KHDC1: variants seen among roughly 807,000 people sequenced by gnomAD.
KHDC1 encodes the protein KH homology domain-containing protein 1.
A neutral mutation model predicts 24.7 loss-of-function variants in KHDC1; 21 were observed. That is an observed-to-expected ratio of 0.85 (90% CI 0.60 to 1.23). The LOEUF is 1.23. Among genes scored for constraint, KHDC1 ranks in the 50% most tolerant of loss-of-function variants. The pLI is 0.00. For missense variants in KHDC1, 274 were observed against 298.5 expected (o/e 0.92, Z 0.61); for synonymous variants, 98 against 111.7 (o/e 0.88, Z 0.77).
chr6:73,255,629 T>C (rs1308519249), intron 2 of KHDC1, among the ~76,000 whole-genome samples: 2 of 146,606 alleles, frequency 1.4e-5, no homozygotes, highest in African/African-American at 5.0e-5. Context: ...AGACCAGACA[T>C]GGTGGCTCAT....
exon 1 of KHDC1, chr6:73,309,925 G>A: frequency 1.9e-6 from 1 of 534,076 alleles, no homozygotes; most frequent in Non-Finnish European, 3.2e-6. Flanking sequence ...CGCGAGAAGT[G>A]GGCACGGGAC....
rs1225327831 is a variant in KHDC1 at position 73,262,988 on chromosome 6, A to C, written c.207-20458T>G. 9.9e-7 allele frequency: 1 copy of C among 1,008,808 alleles called. No individual in the cohort carries two copies. The highest frequency in any genetic ancestry group is 1.2e-6 in the Non-Finnish European group (1 of 846,506). 62.5% of individuals were successfully genotyped at this position (1,008,808 alleles called of 1,614,324 possible). A position where few individuals can be genotyped will look rare whatever the true frequency, so the allele number is the denominator to read the frequency against. On this transcript the variant is annotated intron_variant, in intron 2 of 4. The change creates a new upstream start codon in the 5' untranslated region. Transcript: ENST00000370384. ...GCCAAGGCTGGGCTTTGACGGTAGG[A>C]ATGAAGGAGGTGAGGGTGGCGCGCC...
At chr6:73,310,190 A>G in exon 1 of KHDC1, 1 of 159,140 alleles carries the variant, frequency 6.3e-6, no homozygotes, top group Non-Finnish European at 1.4e-5. Context: ...CCTTAATTAC[A>G]CCGCCCTGGA....
chr6:73,268,844 G>GCC (rs1767125550), intron 2 of KHDC1: 4 of 153,284 alleles, frequency 2.6e-5, no homozygotes, highest in African/African-American at 9.6e-5. Flanking sequence ...GCAGGTGGAG[G>GCC]TGCCTGCCAG....
exon 1 of KHDC1, chr6:73,310,041 GT>G: frequency 3.5e-6 from 1 of 282,934 alleles, no homozygotes; most frequent in Non-Finnish European, 6.7e-6. Flanking sequence ...GGCCTTGATC[GT>G]TTTCCAATAA....
chr6:73,305,612 T>C (rs573187205), intron 1 of KHDC1, among the ~76,000 whole-genome samples: 1 of 152,338 alleles, frequency 6.6e-6, no homozygotes, highest in Non-Finnish European at 1.5e-5. Context: ...CTAGCTACTT[T>C]TAAAAGTTTT....
intron 1 of KHDC1, chr6:73,292,652 T>C: frequency 6.6e-6 from 5 of 755,470 alleles, no homozygotes; most frequent in Admixed American, 5.2e-5. Context: ...TGTGATAATA[T>C]TGTTGATCTC....
chr6:73,278,554 A>G (rs1767345244), intron 2 of KHDC1, among the ~76,000 whole-genome samples: 2 of 152,030 alleles, frequency 1.3e-5, no homozygotes, highest in South Asian at 4.2e-4. Flanking sequence ...TTCAGTTTTC[A>G]TTTGGTTTTA....
intron 2 of KHDC1, among the ~76,000 whole-genome samples, chr6:73,287,732 T>C (rs896188831): frequency 6.6e-6 from 1 of 152,142 alleles, no homozygotes; most frequent in Non-Finnish European, 1.5e-5. Flanking sequence ...CAGTTGACAA[T>C]GATACATGTA....
intron 2 of KHDC1, chr6:73,269,475 C>A (rs1380316298): frequency 6.6e-6 from 1 of 152,456 alleles, no homozygotes; most frequent in Non-Finnish European, 1.5e-5. Flanking sequence ...ACGTGATCTG[C>A]CCGCCTGGGC....
At chr6:73,300,777 G>A (rs1284862741) in intron 1 of KHDC1, 1 of 152,176 alleles carries the variant, frequency 6.6e-6, no homozygotes, top group Non-Finnish European at 1.5e-5. Context: ...CAGTTGTCTA[G>A]GATATTTAGG....
At chr6:73,262,025 G>A (rs1159035575) in intron 2 of KHDC1, among the ~76,000 whole-genome samples, 1 of 151,912 alleles carries the variant, frequency 6.6e-6, no homozygotes, top group Non-Finnish European at 1.5e-5. Context: ...GCTGCAGTGA[G>A]CCATGATGGT....
chr6:73,263,840 C>T (rs1253764516), intron 2 of KHDC1, among the ~76,000 whole-genome samples: 1 of 152,178 alleles, frequency 6.6e-6, no homozygotes, highest in Non-Finnish European at 1.5e-5. Context: ...ATTTTGCCCT[C>T]CCTGGCAGTA....
chr6:73,292,866 C>G, intron 1 of KHDC1: 1 of 729,556 alleles, frequency 1.4e-6, no homozygotes, highest in Non-Finnish European at 2.5e-6. Context: ...TTAGATGGGG[C>G]TAAGAAAAAG....
intron 2 of KHDC1, among the ~76,000 whole-genome samples, chr6:73,248,744 T>A (rs1338631379): frequency 6.6e-6 from 1 of 152,116 alleles, no homozygotes; most frequent in Non-Finnish European, 1.5e-5. Context: ...AACAATCCAA[T>A]CCACTTTCAA....
At chr6:73,293,616 C>T (rs1434703176) in intron 1 of KHDC1, among the ~76,000 whole-genome samples, 1 of 151,944 alleles carries the variant, frequency 6.6e-6, no homozygotes, top group Non-Finnish European at 1.5e-5. Context: ...CCCATCTCTA[C>T]AAAAAATTAG....
chr6:73,246,585 A>G (rs978650622), intron 2 of KHDC1, among the ~76,000 whole-genome samples: 3 of 152,208 alleles, frequency 2.0e-5, no homozygotes, highest in Non-Finnish European at 2.9e-5. Context: ...AAAGTCACCA[A>G]TTGATAAATG....
At chr6:73,241,355 A>G (rs1766560415) in exon 5 of KHDC1, 10 of 611,080 alleles carry the variant, frequency 1.6e-5, no homozygotes, top group Non-Finnish European at 2.3e-5. Flanking sequence ...TGCTTTGCCA[A>G]TAACACTTTC....
At chr6:73,243,421 T>C (rs1055216462) in intron 2 of KHDC1, among the ~76,000 whole-genome samples, 6 of 152,238 alleles carry the variant, frequency 3.9e-5, no homozygotes, top group Non-Finnish European at 8.8e-5. Flanking sequence ...GGTTCAGATC[T>C]ACACCATTGT....
Sources: allele counts gnomAD v4.1 joint callset (sites outside exome capture counted in the v4.1 genomes callset), GRCh38; gene constraint gnomAD v4.1.1; transcripts MANE v1.5; gene names NCBI Gene and HGNC (gene_info 2026-07-23, HGNC 2026-07-21).